The following CDH4 variants were observed in gnomAD, a reference collection of about 807,000 sequenced individuals.
CDH4 encodes the protein cadherin 4.
Under a neutral mutation model 86.0 loss-of-function variants are expected in CDH4, and 33 were observed. The observed-to-expected ratio is 0.38, with a 90% CI of 0.29 to 0.51. The LOEUF (loss-of-function observed/expected upper bound fraction) is 0.51, where lower values mean the gene tolerates loss of function less well. Among genes scored for constraint, CDH4 ranks in the 20% least tolerant of loss-of-function variants. The pLI is 0.86. For missense variants in CDH4, 1,114 were observed against 1,307.4 expected, an observed-to-expected ratio of 0.85 and a Z score of 2.28; for synonymous variants, 555 against 549.4, an observed-to-expected ratio of 1.01 and a Z score of -0.14.
chr20:61,631,212 T>C (rs529063653), intron 2 of CDH4, among the ~76,000 whole-genome samples: 2 of 152,222 alleles, frequency 1.3e-5, no homozygotes, highest in Admixed American at 1.3e-4. Flanking sequence ...CCCACCGTGA[T>C]GGCTGCTAGG....
chr20:61,883,179 G>A (rs933635355), intron 7 of CDH4, among the ~76,000 whole-genome samples: 35 of 150,720 alleles, frequency 2.3e-4, no homozygotes, highest in African/African-American at 8.6e-4. Flanking sequence ...GACCTCCACA[G>A]CTCGACAGCC....
At chr20:61,310,923 T>A in intron 2 of CDH4, among the ~76,000 whole-genome samples, 1 of 152,104 alleles carries the variant, frequency 6.6e-6, no homozygotes, top group East Asian at 1.9e-4. Flanking sequence ...AGGCCCTGGC[T>A]CCAAATACAG....
At chr20:61,587,950 A>G (rs2086490697) in intron 2 of CDH4, among the ~76,000 whole-genome samples, 1 of 152,114 alleles carries the variant, frequency 6.6e-6, no homozygotes, top group Admixed American at 6.5e-5. Flanking sequence ...TTTCTGCTTC[A>G]TGTGTTTACT....
chr20:61,764,114 C>T (rs1004530988), intron 3 of CDH4, among the ~76,000 whole-genome samples: 2 of 152,154 alleles, frequency 1.3e-5, no homozygotes, highest in Non-Finnish European at 2.9e-5. Context: ...GAGAGCAAGA[C>T]CCAGGCGGGG....
intron 3 of CDH4, among the ~76,000 whole-genome samples, chr20:61,744,374 G>T (rs1288011423): frequency 3.3e-5 from 5 of 149,690 alleles, no homozygotes; most frequent in Non-Finnish European, 5.9e-5. Context: ...GGAAGAGAGG[G>T]AGAGAGAGAA....
chr20:61,856,686 G>A (rs1287695209), intron 6 of CDH4, among the ~76,000 whole-genome samples: 1 of 152,188 alleles, frequency 6.6e-6, no homozygotes, highest in Non-Finnish European at 1.5e-5. Context: ...CTCTTATCCA[G>A]CCCTCCTGAA....
chr20:61,631,296 T>C (rs1481086484), intron 2 of CDH4, among the ~76,000 whole-genome samples: 2 of 152,182 alleles, frequency 1.3e-5, no homozygotes, highest in Non-Finnish European at 2.9e-5. Flanking sequence ...GGAAGAAAAC[T>C]ATGGACTGGA....
At position 61,325,220 on chromosome 20, in the gene CDH4, TG is replaced by T. The variant is rs757801751; in HGVS notation, c.169+70285del. On this transcript the variant is annotated intron_variant, in intron 2 of 15. Coordinates refer to ENST00000614565, the MANE Select transcript of CDH4 (RefSeq NM_001794.5). ...CGGTGGGTCATAAGTAAGTGGTCAC[TG>T]GAAAAAAAAAAAAAAGTCTTGGCTT... 9.8e-5 allele frequency among the ~76,000 whole-genome samples: 9 copies of T among 91,426 alleles called. No homozygotes were observed. The South Asian group carries it at 2.9e-3, about 30-fold the overall frequency. 60.0% of individuals were successfully genotyped at this position (91,426 alleles called of 152,430 possible).
At position 61,392,785 on chromosome 20, in the gene CDH4, C is replaced by A. The variant is rs938747259; in HGVS notation, c.169+137848C>A. On this transcript the variant is annotated intron_variant, in intron 2 of 15. Transcript: ENST00000614565. The surrounding 1 kb of genome is among the most constrained non-coding windows in gnomAD (Gnocchi z 5.7). ...TCGGTATTGCACATTTATTTCCTAGCGGGGTAGAAACACTGGCCCCCCACG... is the reference window on the plus strand; with the variant it reads ...TCGGTATTGCACATTTATTTCCTAGAGGGGTAGAAACACTGGCCCCCCACG... Among the ~76,000 whole-genome samples the A allele has an allele frequency of 6.6e-6, 1 of 152,144 alleles. No individual in the cohort carries two copies. Among genetic ancestry groups the A allele is most frequent in the Non-Finnish European group, 1.5e-5 (1 of 68,028 alleles).
intron 2 of CDH4, among the ~76,000 whole-genome samples, chr20:61,359,475 G>A (rs1025699883): frequency 2.0e-5 from 3 of 152,224 alleles, no homozygotes; most frequent in Admixed American, 6.5e-5. Context: ...GCCTGGACAG[G>A]AGGAGGTTCC....
At chr20:61,903,636 G>A (rs965424852) in intron 8 of CDH4, among the ~76,000 whole-genome samples, 1 of 149,320 alleles carries the variant, frequency 6.7e-6, no homozygotes, top group Non-Finnish European at 1.5e-5. Flanking sequence ...TTATTCATTC[G>A]CGGATGTATA....
intron 2 of CDH4, among the ~76,000 whole-genome samples, chr20:61,345,337 C>T (rs1274826400): frequency 1.3e-5 from 2 of 152,192 alleles, no homozygotes; most frequent in Non-Finnish European, 2.9e-5. Flanking sequence ...AACACCACCC[C>T]GCGATGATGA....
At chr20:61,274,566 G>T (rs73611510) in intron 2 of CDH4, among the ~76,000 whole-genome samples, 1 of 138,848 alleles carries the variant, frequency 7.2e-6, no homozygotes, top group South Asian at 2.3e-4. Context: ...GGGGAGTACC[G>T]TGCACAGCTT....
intron 2 of CDH4, among the ~76,000 whole-genome samples, chr20:61,524,945 A>C (rs2085899654): frequency 6.6e-6 from 1 of 152,166 alleles, no homozygotes; most frequent in South Asian, 2.1e-4. Context: ...GTCCACCTCC[A>C]ACATCTTTCA....
intron 2 of CDH4, among the ~76,000 whole-genome samples, chr20:61,367,262 A>G (rs757077643): frequency 6.6e-6 from 1 of 152,206 alleles, no homozygotes. Context: ...GTCTTCAGTT[A>G]AATGCTCGCT....
intron 14 of CDH4, among the ~76,000 whole-genome samples, chr20:61,933,617 C>T (rs1255342621): frequency 6.6e-6 from 1 of 152,134 alleles, no homozygotes; most frequent in African/African-American, 2.4e-5. Context: ...GCCCCTCCCA[C>T]AACACGACCA....
At chr20:61,320,534 G>A (rs770067300) in intron 2 of CDH4, among the ~76,000 whole-genome samples, 13 of 152,056 alleles carry the variant, frequency 8.5e-5, no homozygotes, top group African/African-American at 2.7e-4. Flanking sequence ...GTCTCAACTG[G>A]GACAGTTCTG....
intron 2 of CDH4, among the ~76,000 whole-genome samples, chr20:61,521,189 A>AT (rs2145627091): frequency 6.6e-6 from 1 of 152,212 alleles, no homozygotes; most frequent in Non-Finnish European, 1.5e-5. Flanking sequence ...AGGGCTGCAT[A>AT]TTTCTGCAAG....
chr20:61,918,966 G>A (rs2054936946), intron 9 of CDH4, among the ~76,000 whole-genome samples: 1 of 152,210 alleles, frequency 6.6e-6, no homozygotes. Flanking sequence ...GACCTCCCAG[G>A]CTCAAGCAGT....
Sources: allele counts gnomAD v4.1 joint callset (sites outside exome capture counted in the v4.1 genomes callset), GRCh38; gene constraint gnomAD v4.1.1; non-coding constraint Gnocchi (gnomAD v3.1); transcripts MANE v1.5; gene names NCBI Gene and HGNC (gene_info 2026-07-23, HGNC 2026-07-21).